The following PTPN7 variants were observed in gnomAD, a reference collection of about 807,000 sequenced individuals.
PTPN7 encodes the protein protein tyrosine phosphatase non-receptor type 7.
PTPN7 carries 33 observed loss-of-function variants against 50.3 expected under a neutral mutation model. That is an observed-to-expected ratio of 0.66 (90% CI 0.50 to 0.88). PTPN7 has a LOEUF of 0.88. Among genes scored for constraint, PTPN7 ranks in the 40% least tolerant of loss-of-function variants. The pLI is 0.00. For missense variants in PTPN7, 412 were observed against 475.4 expected (o/e 0.87, Z 1.24); for synonymous variants, 185 against 186.6 (o/e 0.99, Z 0.07).
Position 202,159,640 on chromosome 1 carries a change from C to CG in PTPN7, c.-52-187dup. ...TGGGACCCAGGGCAGAAGGCAGTCT[C>CG]GGGGTAGAGTAACGGCAAGATAAAG... On this transcript the variant is annotated intron_variant, in intron 1 of 9. Transcript: ENST00000691036. The surrounding 1 kb of genome is among the most constrained non-coding windows in gnomAD (Gnocchi z 4.6). The CG allele has an allele frequency of 6.9e-7, 1 of 1,449,974 alleles. No homozygotes were observed. Among genetic ancestry groups the CG allele is most frequent in the Non-Finnish European group, 9.1e-7 (1 of 1,103,452 alleles). The allele number at this position is 1,449,974 out of a possible 1,614,324, so 89.8% of individuals were successfully genotyped here.
chr1:202,148,297 TG>T lies in PTPN7; in HGVS notation c.*308del, dbSNP rs1255514101. ...GTGTCTCAGAGAACACCAGGACACC[TG>T]GGCTTCTTTCTTTGTCTGTCATAAA... On this transcript the variant is annotated 3_prime_UTR_variant, in exon 10 of 10. Transcript: ENST00000691036. 7 of 279,878 alleles carry T rather than the reference TG, an allele frequency of 2.5e-5. No homozygotes were observed. Among genetic ancestry groups the T allele is most frequent in the African/African-American group, 1.5e-4 (7 of 45,888 alleles). The allele number at this position is 279,878 out of a possible 1,614,324, so 17.3% of individuals were successfully genotyped here. A position where few individuals can be genotyped will look rare whatever the true frequency, so the allele number is the denominator to read the frequency against.
chr1:202,153,899 A>T, intron 6 of PTPN7, 64 bp from the exon 7 acceptor site: 3 of 1,342,104 alleles, frequency 2.2e-6, no homozygotes, highest in Non-Finnish European at 3.2e-6. Flanking sequence ...GGCAGCAGAG[A>T]GGGGCTGGTA....
intron 4 of PTPN7, among the ~76,000 whole-genome samples, chr1:202,156,466 C>T (rs1571755384): frequency 6.6e-6 from 1 of 152,296 alleles, no homozygotes; most frequent in East Asian, 1.9e-4. Context: ...TTGGCCTCTG[C>T]CTCTAAGGGG....
intron 5 of PTPN7, 135 bp downstream of exon 5, chr1:202,155,398 G>T: frequency 1.2e-6 from 1 of 858,516 alleles, no homozygotes. Context: ...GCTTGGTAGG[G>T]CTATGACAGC....
chr1:202,157,759 C>G lies in PTPN7; in HGVS notation c.371G>C (p.Arg124Pro), dbSNP rs1166773456. Residue 124 changes from arginine to proline, a missense_variant, in exon 4 of 10, where the codon CGA becomes CCA. Arg to Pro is a moderately radical substitution (Grantham distance 103). Transcript: ENST00000691036. ...LDIPGHASKDRYKTILPNPQS... is the reference protein window; with the variant it reads ...LDIPGHASKDPYKTILPNPQS... ...CTTACTTGGCAAGATGGTCTTGTAT[C>G]GGTCCTTGGAGGCGTGGCCAGGGAT... 1 of 1,613,824 alleles carries G rather than the reference C, an allele frequency of 6.2e-7. No individual in the cohort carries two copies. The highest frequency in any genetic ancestry group is 8.5e-7 in the Non-Finnish European group (1 of 1,179,834).
Position 202,160,557 on chromosome 1 carries a change from G to GT in PTPN7, c.-66_-65insA. 1 of 1,548,890 alleles carries GT rather than the reference G, an allele frequency of 6.5e-7. No individual in the cohort carries two copies. The highest frequency in any genetic ancestry group is 8.7e-7 in the Non-Finnish European group (1 of 1,145,710). On this transcript the variant is annotated 5_prime_UTR_variant, in exon 1 of 10. Transcript: ENST00000691036. This position sits in a 1 kb window ranked among gnomAD's most constrained non-coding sequence, Gnocchi z 4.8. ...TTCAGATACTTACTGAAGCAGCTGT[G>GT]GCCCCCAGGCTGCCTCTTGCCAGCT...
intron 9 of PTPN7, 58 bp from the exon 10 acceptor site, chr1:202,148,757 G>A: frequency 6.8e-7 from 1 of 1,467,392 alleles, no homozygotes; most frequent in Non-Finnish European, 9.4e-7. Flanking sequence ...TGGCTGAATG[G>A]CTCCAGTCAA....
rs73085637 is a variant in PTPN7, at chr1:202,160,068, T to C, written c.-53+477A>G. ...CCTGCCCATCCCCCCGTCTCCCGCC[T>C]CTGTAACCGTCACAGGAAATGGCCT... is the stretch of plus-strand genomic sequence containing the variant. On this transcript the variant is annotated intron_variant, in intron 1 of 9. Transcript: ENST00000691036. The surrounding 1 kb of genome is among the most constrained non-coding windows in gnomAD (Gnocchi z 4.8). 112,814 of 809,282 alleles carry C rather than the reference T, an allele frequency of 0.14. 8,126 individuals are homozygous for C. The highest frequency in any genetic ancestry group is 0.21 in the South Asian group (3,923 of 18,768). 50.1% of individuals were successfully genotyped at this position (809,282 alleles called of 1,614,324 possible).
At chr1:202,161,159 T>C, upstream of PTPN7, 1 of 1,165,642 alleles carries the variant, frequency 8.6e-7, no homozygotes, top group Non-Finnish European at 1.1e-6. Context: ...GAAGCAAGAA[T>C]CCATGCCTCA....
intron 6 of PTPN7, 50 bp downstream of exon 6, chr1:202,154,133 GGGT>G: frequency 6.2e-7 from 1 of 1,609,324 alleles, no homozygotes; most frequent in Non-Finnish European, 8.5e-7. Flanking sequence ...GGTGGGGGTG[GGGT>G]GGGCATAGCA....
At chr1:202,161,130 T>G (rs1264389757), upstream of PTPN7, 7 of 1,230,170 alleles carry the variant, frequency 5.7e-6, no homozygotes, top group Non-Finnish European at 7.2e-6. Context: ...TGGCACAGAC[T>G]CGGGGTGGGG....
chr1:202,153,574 C>A, intron 7 of PTPN7, 151 bp downstream of exon 7: 1 of 635,268 alleles, frequency 1.6e-6, no homozygotes, highest in South Asian at 1.9e-5. Context: ...AGGCTGAGGA[C>A]AGTGCTCAAG....
rs745864327 is a variant in PTPN7 at position 202,158,210 on chromosome 1, G to A, written c.214C>T (p.Leu72=). ...TGTCCAGCAGTGCGCAGAAAGTGTA[G>A]GGTGACCTCCCGGGGTGTGTTCACA... ...CSVNTPREVT[L]HFLRTAGHPL... Residue 72 remains leucine (L), a synonymous_variant, in exon 3 of 10, where the codon CTA becomes TTA. Transcript: ENST00000691036. 3 of 1,614,048 alleles carry A rather than the reference G, an allele frequency of 1.9e-6. No individual in the cohort carries two copies. In the South Asian group the frequency reaches 3.3e-5, roughly 18 times the overall value.
Position 202,159,822 on chromosome 1 carries a change from A to G in PTPN7, c.-52-368T>C. The G allele has an allele frequency of 8.8e-7, 1 of 1,131,002 alleles. No homozygotes were observed. Among genetic ancestry groups the G allele is most frequent in the Non-Finnish European group, 1.1e-6 (1 of 921,626 alleles). The allele number at this position is 1,131,002 out of a possible 1,614,324, so 70.1% of individuals were successfully genotyped here. A position where few individuals can be genotyped will look rare whatever the true frequency, so the allele number is the denominator to read the frequency against. On this transcript the variant is annotated intron_variant, in intron 1 of 9. Transcript: ENST00000691036. The surrounding 1 kb of genome is among the most constrained non-coding windows in gnomAD (Gnocchi z 4.6). ...ATATGTGTTCTCTAGGACGGAAGGG[A>G]GAAAGCACGCAGAAGCCATCTCTGA...
At chr1:202,161,493 C>G (rs1657369291), upstream of PTPN7, 2 of 1,289,712 alleles carry the variant, frequency 1.6e-6, no homozygotes, top group East Asian at 1.1e-4. Flanking sequence ...AAGTCCAAGA[C>G]TCCTCTGCCC....
chr1:202,148,758 C>A, intron 9 of PTPN7, 59 bp from the exon 10 acceptor site: 1 of 1,466,072 alleles, frequency 6.8e-7, no homozygotes, highest in Non-Finnish European at 9.4e-7. Context: ...GGCTGAATGG[C>A]TCCAGTCAAA....
upstream of PTPN7, chr1:202,161,493 C>T (rs1657369291): frequency 1.6e-6 from 2 of 1,289,712 alleles, no homozygotes; most frequent in South Asian, 1.2e-5. Flanking sequence ...AAGTCCAAGA[C>T]TCCTCTGCCC....
At chr1:202,155,947 C>A (rs569470937) in intron 4 of PTPN7, among the ~76,000 whole-genome samples, 1 of 152,078 alleles carries the variant, frequency 6.6e-6, no homozygotes, top group Non-Finnish European at 1.5e-5. Context: ...TATTTATTTA[C>A]GTTTTTTGTA....
At chr1:202,152,478 G>A in intron 8 of PTPN7, 64 bp downstream of exon 8, 1 of 1,555,728 alleles carries the variant, frequency 6.4e-7, no homozygotes, top group Non-Finnish European at 8.7e-7. Flanking sequence ...TTCCCCAGGA[G>A]AGACCCAGGG....
Sources: gnomAD v4.1 joint callset for allele counts (sites outside exome capture counted in the v4.1 genomes callset) on GRCh38, gnomAD v4.1.1 for gene constraint, Gnocchi (gnomAD v3.1) non-coding constraint, MANE v1.5 for transcripts, NCBI Gene and HGNC (gene_info 2026-07-23, HGNC 2026-07-21) for gene names.